HCRTR2: variants seen among roughly 807,000 people sequenced by gnomAD.
HCRTR2 encodes hypocretin receptor 2.
A neutral mutation model predicts 49.0 loss-of-function variants in HCRTR2; 22 were observed. The ratio of observed to expected loss-of-function variants is 0.45; its 90% CI spans 0.32 to 0.64. The LOEUF is 0.64. Among genes scored for constraint, HCRTR2 ranks in the 30% least tolerant of loss-of-function variants. The pLI, the probability that HCRTR2 is intolerant of heterozygous loss-of-function variation, is 0.04. For missense variants in HCRTR2, 491 were observed against 559.4 expected, an observed-to-expected ratio of 0.88 and a Z score of 1.23; for synonymous variants, 236 against 205.3, an observed-to-expected ratio of 1.15 and a Z score of -1.28.
upstream of HCRTR2, among the ~76,000 whole-genome samples, chr6:55,173,799 T>C (rs934524015): frequency 6.6e-6 from 1 of 152,234 alleles, no homozygotes; most frequent in African/African-American, 2.4e-5. Flanking sequence ...GACCCTTCAG[T>C]TTAAAAACAG....
intron 1 of HCRTR2, among the ~76,000 whole-genome samples, chr6:55,163,100 G>C (rs1221020965): frequency 6.6e-6 from 1 of 152,046 alleles, no homozygotes; most frequent in African/African-American, 2.4e-5. Flanking sequence ...GCCGGGCGTG[G>C]TGGCAGGCGC....
intron 1 of HCRTR2, among the ~76,000 whole-genome samples, chr6:55,241,722 T>TA (rs1171492564): frequency 6.6e-6 from 1 of 152,080 alleles, no homozygotes; most frequent in Non-Finnish European, 1.5e-5. Flanking sequence ...TTCAATCTTT[T>TA]AAAAAATACC....
At chr6:55,256,229 C>T (rs984411680) in intron 3 of HCRTR2, among the ~76,000 whole-genome samples, 3 of 152,012 alleles carry the variant, frequency 2.0e-5, no homozygotes, top group Admixed American at 1.3e-4. Flanking sequence ...AAAAACCAAT[C>T]TGACCTCTTC....
chr6:55,195,370 C>T (rs533038046), intron 1 of HCRTR2, among the ~76,000 whole-genome samples: 11 of 152,116 alleles, frequency 7.2e-5, no homozygotes, highest in African/African-American at 2.2e-4. Context: ...TAGGTAATCA[C>T]TGAAGATAAA....
Position 55,135,224 on chromosome 6 carries a change from G to A in HCRTR2, c.-378+28679G>A, listed in dbSNP as rs375015592. ...TATACAGGATTAAAAATGACTTTGA[G>A]GTCTCATGCTAGAGTATCCAGCAAA... On this transcript the variant is annotated intron_variant, in intron 1 of 7. Coordinates refer to the HCRTR2 transcript ENST00000615358. Among the ~76,000 whole-genome samples the A allele has an allele frequency of 1.3e-4, 20 of 152,144 alleles. 1 individual carries two copies. The East Asian group carries it at 1.7e-3, about 13-fold the overall frequency.
At chr6:55,165,642 C>CT (rs1020082450) in intron 1 of HCRTR2, among the ~76,000 whole-genome samples, 1 of 150,700 alleles carries the variant, frequency 6.6e-6, no homozygotes, top group Non-Finnish European at 1.5e-5. Flanking sequence ...AAATTTAAAA[C>CT]TTTTTTGCAT....
At position 55,277,575 on chromosome 6, in the gene HCRTR2, A is replaced by G. The variant is rs773153873; in HGVS notation, c.958A>G (p.Ile320Val). The change falls in exon 5 of 7, where the codon ATT becomes GTT. Residue 320 changes from isoleucine to valine, a missense_variant. Transcript: ENST00000370862. ...LLVFAICYLP[I>V]SILNVLKRVF... is the part of the protein sequence containing the mutation. ...GGTATTTGCAATTTGCTATCTACCA[A>G]TTAGCATCCTCAATGTGCTAAAGAG... 2.4e-5 allele frequency: 39 copies of G among 1,612,734 alleles called. No individual in the cohort carries two copies. Among genetic ancestry groups the G allele is most frequent in the African/African-American group, 5.3e-5 (4 of 74,874 alleles).
At chr6:55,147,533 A>G (rs1043969059) in intron 1 of HCRTR2, among the ~76,000 whole-genome samples, 3 of 152,156 alleles carry the variant, frequency 2.0e-5, no homozygotes, top group Non-Finnish European at 4.4e-5. Flanking sequence ...ATTGAAACAG[A>G]CACAGAGAGG....
chr6:55,191,110 G>A (rs528160853), intron 1 of HCRTR2, among the ~76,000 whole-genome samples: 22 of 152,268 alleles, frequency 1.4e-4, no homozygotes, highest in Non-Finnish European at 2.6e-4. Context: ...GGGCAATGAA[G>A]GAAGGAGCAA....
rs1449775062 is a variant in HCRTR2, at chr6:55,174,635, A to G, written c.48A>G (p.Ser16=). The G allele has an allele frequency of 1.2e-6, 2 of 1,614,044 alleles. No homozygotes were observed. Among genetic ancestry groups the G allele is most frequent in the Admixed American group, 1.7e-5 (1 of 60,006 alleles). ...LEDSPPCRNW[S]SASELNETQE... ...ACTCCCCCCCTTGTCGCAACTGGTC[A>G]TCTGCTTCGGAGCTGAATGAAACTC... The change falls in exon 1 of 7, where the codon TCA becomes TCG. Residue 16 remains serine, a synonymous_variant. Coordinates refer to ENST00000370862, the MANE Select transcript of HCRTR2 (RefSeq NM_001384272.1).
chr6:55,155,165 G>C lies in HCRTR2; in HGVS notation c.-377-19046G>C, dbSNP rs1192758257. ...CATACTACCCAAAACAACCTGTAGA[G>C]TCAATGCAATCCCTATCAAAATACC... On this transcript the variant is annotated intron_variant, in intron 1 of 7. Coordinates refer to the HCRTR2 transcript ENST00000615358. Among the ~76,000 whole-genome samples the C allele has an allele frequency of 5.3e-5, 8 of 151,282 alleles. No individual in the cohort carries two copies. The Admixed American group carries it at 5.3e-4, about 10-fold the overall frequency.
At position 55,238,952 on chromosome 6, in the gene HCRTR2, C is replaced by A. The variant is rs2127304245; in HGVS notation, c.224-9687C>A. On this transcript the variant is annotated intron_variant, in intron 1 of 6. Transcript: ENST00000370862. Reference sequence around the variant, plus strand: ...GGTTGCTTGTGTATGTTAATTAATGCAAAAGGGTCAAAGAGAAGGACTGAC... The same window carrying A: ...GGTTGCTTGTGTATGTTAATTAATGAAAAAGGGTCAAAGAGAAGGACTGAC... Among the ~76,000 whole-genome samples, 4 of 152,162 alleles carry A rather than the reference C, an allele frequency of 2.6e-5. No individual in the cohort carries two copies. In the East Asian group the frequency reaches 7.7e-4, roughly 29 times the overall value.
chr6:55,138,772 T>C (rs2127251695), intron 1 of HCRTR2, among the ~76,000 whole-genome samples: 1 of 152,356 alleles, frequency 6.6e-6, no homozygotes, highest in South Asian at 2.1e-4. Flanking sequence ...ATGGGTAGCC[T>C]AACATGAGCA....
intron 1 of HCRTR2, among the ~76,000 whole-genome samples, chr6:55,122,370 C>A (rs1486806588): frequency 1.3e-5 from 2 of 151,956 alleles, no homozygotes; most frequent in Non-Finnish European, 2.9e-5. Context: ...CTTTATTAGT[C>A]TTGCTAGCGA....
chr6:55,158,719 T>G (rs1178286865), intron 1 of HCRTR2, among the ~76,000 whole-genome samples: 2 of 152,138 alleles, frequency 1.3e-5, no homozygotes, highest in East Asian at 3.9e-4. Flanking sequence ...CCCACGACAG[T>G]TCGGCAAAGC....
intron 1 of HCRTR2, among the ~76,000 whole-genome samples, chr6:55,199,660 T>C (rs1260159527): frequency 1.3e-5 from 2 of 152,206 alleles, no homozygotes; most frequent in African/African-American, 2.4e-5. Flanking sequence ...ACATCTCTTA[T>C]GCGTACTTCA....
In HCRTR2 at chr6:55,115,512, G is replaced by A. The variant is rs369896744; in HGVS notation, c.-378+8967G>A. On this transcript the variant is annotated intron_variant, in intron 1 of 7. Transcript: ENST00000615358. The stretch of plus-strand genomic sequence containing the variant: ...TGTGTGTGTGTGTGTGTGTGTGTGT[G>A]GTAGTAGTAGTAGTAGTACTAGCAG... Among the ~76,000 whole-genome samples, 280 of 144,858 alleles carry A rather than the reference G, an allele frequency of 1.9e-3. 1 individual carries two copies. Among genetic ancestry groups the A allele is most frequent in the African/African-American group, 6.8e-3 (264 of 39,088 alleles).
rs1165584134 is a variant in HCRTR2, at chr6:55,142,098, C to T, written c.-377-32113C>T. ...TAAATTAAATAGTAAGTTTTATCTCCCAAAAAACTGAAAACAACTTATTGA... is the reference window on the plus strand; with the variant it reads ...TAAATTAAATAGTAAGTTTTATCTCTCAAAAAACTGAAAACAACTTATTGA... On this transcript the variant is annotated intron_variant, in intron 1 of 7. Transcript: ENST00000615358. Among the ~76,000 whole-genome samples, 4 of 152,002 alleles carry T rather than the reference C, an allele frequency of 2.6e-5. No homozygotes were observed. In the East Asian group the frequency reaches 7.7e-4, roughly 29 times the overall value.
At chr6:55,266,723 T>G (rs924201419) in intron 4 of HCRTR2, among the ~76,000 whole-genome samples, 4 of 152,184 alleles carry the variant, frequency 2.6e-5, no homozygotes, top group African/African-American at 7.2e-5. Context: ...TACTTTTACA[T>G]GGTAAAACTT....
Sources: gnomAD v4.1 joint callset for allele counts (sites outside exome capture counted in the v4.1 genomes callset) on GRCh38, gnomAD v4.1.1 for gene constraint, MANE v1.5 for transcripts, NCBI Gene and HGNC (gene_info 2026-07-23, HGNC 2026-07-21) for gene names.